The following PSTPIP2 variants were observed in gnomAD, a reference collection of about 807,000 sequenced individuals.
PSTPIP2 encodes proline-serine-threonine phosphatase-interacting protein 2.
A neutral mutation model predicts 63.3 loss-of-function variants in PSTPIP2; 33 were observed. The ratio of observed to expected loss-of-function variants is 0.52; its 90% CI spans 0.40 to 0.70. PSTPIP2 has a LOEUF of 0.70. Among genes scored for constraint, PSTPIP2 ranks in the 30% least tolerant of loss-of-function variants. The pLI is 0.00. For missense variants in PSTPIP2, 312 were observed against 400.7 expected, an observed-to-expected ratio of 0.78 and a Z score of 1.89; for synonymous variants, 125 against 132.7, an observed-to-expected ratio of 0.94 and a Z score of 0.40.
intron 2 of PSTPIP2, 60 bp from the exon 3 acceptor site, chr18:46,024,746 C>A: frequency 7.3e-7 from 1 of 1,374,692 alleles, no homozygotes; most frequent in Non-Finnish European, 1.0e-6. Flanking sequence ...TGTTAAGACA[C>A]AATGACCCTC....
At chr18:46,022,928 C>T (rs188897950) in intron 3 of PSTPIP2, among the ~76,000 whole-genome samples, 129 of 152,170 alleles carry the variant, frequency 8.5e-4, no homozygotes, top group Middle Eastern at 3.4e-3. Flanking sequence ...TGGAACACTA[C>T]GAAGCCATAA....
intron 1 of PSTPIP2, among the ~76,000 whole-genome samples, chr18:46,042,774 C>A (rs1908237986): frequency 6.6e-6 from 1 of 152,124 alleles, no homozygotes; most frequent in Non-Finnish European, 1.5e-5. Flanking sequence ...TGTCTTGGTG[C>A]ATCGTGCAGC....
chr18:46,007,649 T>C (rs1168983338), intron 5 of PSTPIP2, among the ~76,000 whole-genome samples: 1 of 137,778 alleles, frequency 7.3e-6, no homozygotes, highest in African/African-American at 2.5e-5. Flanking sequence ...ACTCTTATAG[T>C]TGGGAGCTGC....
At chr18:45,985,888 T>C (rs1158763040) in intron 14 of PSTPIP2, among the ~76,000 whole-genome samples, 3 of 152,092 alleles carry the variant, frequency 2.0e-5, no homozygotes, top group African/African-American at 7.2e-5. Flanking sequence ...GTGATTCTCC[T>C]GCCTCAGCCT....
intron 2 of PSTPIP2, among the ~76,000 whole-genome samples, chr18:46,037,926 T>C (rs1908042355): frequency 6.6e-6 from 1 of 152,252 alleles, no homozygotes; most frequent in South Asian, 2.1e-4. Flanking sequence ...TCTCCATTTA[T>C]TTCCTACTCT....
At chr18:46,033,247 C>T (rs1434642091) in intron 2 of PSTPIP2, among the ~76,000 whole-genome samples, 1 of 152,248 alleles carries the variant, frequency 6.6e-6, no homozygotes, top group Non-Finnish European at 1.5e-5. Flanking sequence ...CTTTTGGGCA[C>T]AGGTGTTCCT....
At chr18:46,034,267 G>C (rs990517292) in intron 2 of PSTPIP2, among the ~76,000 whole-genome samples, 1 of 152,140 alleles carries the variant, frequency 6.6e-6, no homozygotes, top group Non-Finnish European at 1.5e-5. Flanking sequence ...TGGGCATAAA[G>C]GTGTTCCACA....
chr18:46,035,834 T>C (rs1271634767), intron 2 of PSTPIP2, among the ~76,000 whole-genome samples: 1 of 152,142 alleles, frequency 6.6e-6, no homozygotes, highest in Non-Finnish European at 1.5e-5. Context: ...GTAAATTACT[T>C]AAACCTCATC....
In PSTPIP2 at chr18:45,988,353, T is replaced by C. The variant is rs187531063; in HGVS notation, c.*8+349A>G. 2.7e-5 allele frequency among the ~76,000 whole-genome samples: 4 copies of C among 148,824 alleles called. No individual in the cohort carries two copies. In the East Asian group the frequency reaches 6.1e-4, roughly 23 times the overall value. ...AAGAGGCTGAGGTGGGAAGATCACT[T>C]GAACCCAGGATGTGGAGATTGCAGT... On this transcript the variant is annotated intron_variant, in intron 14 of 14. Transcript: ENST00000409746.
chr18:46,065,637 T>A (rs1909162838), intron 1 of PSTPIP2, among the ~76,000 whole-genome samples: 2 of 152,172 alleles, frequency 1.3e-5, no homozygotes, highest in Non-Finnish European at 2.9e-5. Flanking sequence ...CGGCTAATTT[T>A]TGTATTTTTA....
chr18:46,067,801 G>A (rs1196370826), intron 1 of PSTPIP2, among the ~76,000 whole-genome samples: 1 of 152,162 alleles, frequency 6.6e-6, no homozygotes, highest in Non-Finnish European at 1.5e-5. Context: ...AACCTTTACT[G>A]GTTCAGGGTG....
chr18:46,035,975 C>G (rs1441076522), intron 2 of PSTPIP2, among the ~76,000 whole-genome samples: 1 of 152,050 alleles, frequency 6.6e-6, no homozygotes, highest in Non-Finnish European at 1.5e-5. Flanking sequence ...AGCATCACCT[C>G]TATTATTGTT....
At chr18:46,005,610 T>C in intron 5 of PSTPIP2, 79 bp from the exon 6 acceptor site, 1 of 1,082,866 alleles carries the variant, frequency 9.2e-7, no homozygotes, top group Non-Finnish European at 1.3e-6. Flanking sequence ...CAATACCAGC[T>C]TATCTTGAGG....
chr18:46,034,184 G>T (rs1192069405), intron 2 of PSTPIP2, among the ~76,000 whole-genome samples: 1 of 152,116 alleles, frequency 6.6e-6, no homozygotes, highest in Non-Finnish European at 1.5e-5. Flanking sequence ...AGAGTACAGA[G>T]TCCTGAGGCA....
intron 2 of PSTPIP2, chr18:46,028,670 G>T: frequency 1.2e-6 from 1 of 859,640 alleles, no homozygotes; most frequent in South Asian, 1.3e-5. Flanking sequence ...TGGTTGACAT[G>T]ATGAACAATC....
chr18:45,991,985 T>C lies in PSTPIP2; in HGVS notation c.839-2A>G. On this transcript the variant is annotated splice_acceptor_variant, in intron 11 of 14. Coordinates refer to ENST00000409746, the MANE Select transcript of PSTPIP2 (RefSeq NM_024430.4). LOFTEE classifies it high-confidence loss of function. ...AGAAATTCTCATACATGATGGGTGCTAGGAGAGTCACCAAGAAACAGGACA... is the reference window on the plus strand; with the variant it reads ...AGAAATTCTCATACATGATGGGTGCCAGGAGAGTCACCAAGAAACAGGACA... 6.2e-7 allele frequency: 1 copy of C among 1,611,316 alleles called. No individual in the cohort carries two copies. The highest frequency in any genetic ancestry group is 2.2e-5 in the East Asian group (1 of 44,854).
rs112661827 is a variant in PSTPIP2 at position 46,014,017 on chromosome 18, A to G, written c.247+1886T>C. ...TCCTCTTAAGAGGCTGAAGGAGAGG[A>G]GTAAAGAAGGGATCTTTTTTTTTTT... is the stretch of plus-strand genomic sequence containing the variant. On this transcript the variant is annotated intron_variant, in intron 4 of 14. Transcript: ENST00000409746. 5.4e-3 allele frequency among the ~76,000 whole-genome samples: 812 copies of G among 151,476 alleles called. 9 individuals are homozygous for G. Among genetic ancestry groups the G allele is most frequent in the Middle Eastern group, 0.014 (4 of 292 alleles).
At chr18:45,993,173 C>T (rs1209712776) in intron 10 of PSTPIP2, among the ~76,000 whole-genome samples, 1 of 152,184 alleles carries the variant, frequency 6.6e-6, no homozygotes, top group Admixed American at 6.5e-5. Flanking sequence ...TGGCTCACTG[C>T]AGCCTCCGCC....
chr18:45,995,918 T>C (rs947443985), intron 9 of PSTPIP2, among the ~76,000 whole-genome samples: 3 of 152,162 alleles, frequency 2.0e-5, no homozygotes, highest in Admixed American at 2.0e-4. Flanking sequence ...CGGGCTCAAG[T>C]GATTTTCCCA....
Sources: allele counts gnomAD v4.1 joint callset (sites outside exome capture counted in the v4.1 genomes callset), GRCh38; gene constraint gnomAD v4.1.1; transcripts MANE v1.5; gene names NCBI Gene and HGNC (gene_info 2026-07-23, HGNC 2026-07-21).